RABEPK: variants seen among roughly 807,000 people sequenced by gnomAD.
The protein encoded by RABEPK is 40 kDa Rab9 effector protein.
Under a neutral mutation model 34.1 loss-of-function variants are expected in RABEPK, and 27 were observed. The observed-to-expected ratio is 0.79, with a 90% CI of 0.58 to 1.09. The LOEUF is 1.09. Among genes scored for constraint, RABEPK ranks in the 50% least tolerant of loss-of-function variants. The pLI is 0.00. For synonymous variants in RABEPK, 172 were observed against 169.2 expected (o/e 1.02, Z -0.13); for missense variants, 449 against 462.6 (o/e 0.97, Z 0.27).
intron 4 of RABEPK, among the ~76,000 whole-genome samples, chr9:125,217,216 T>C (rs529206204): frequency 6.6e-5 from 10 of 152,136 alleles, no homozygotes; most frequent in Admixed American, 6.6e-4. Context: ...TTAAATAAAC[T>C]CAGTATCTGG....
chr9:125,232,694 G>A lies in RABEPK; in HGVS notation c.775G>A (p.Gly259Ser), dbSNP rs1186280740. 2 of 1,614,046 alleles carry A rather than the reference G, an allele frequency of 1.2e-6. No homozygotes were observed. The highest frequency in any genetic ancestry group is 1.7e-6 in the Non-Finnish European group (2 of 1,179,934). ...CATGGGAAAACATGTGTACATCTTT[G>A]GTGGAATGACTCCTGCAGGAGCACT... ...VAMGKHVYIFGGMTPAGALDT... is the reference protein window; with the variant it reads ...VAMGKHVYIFSGMTPAGALDT... The change falls in exon 7 of 8, where the codon GGT becomes AGT. Residue 259 changes from glycine (G) to serine (S), a missense_variant. Transcript: ENST00000373538.
intron 5 of RABEPK, 28 bp downstream of exon 5, chr9:125,220,728 G>A (rs1225659356): frequency 6.2e-7 from 1 of 1,604,032 alleles, no homozygotes; most frequent in Non-Finnish European, 8.5e-7. Context: ...CCTTGGGGCT[G>A]GTCAGGGCCA....
chr9:125,207,136 GTAAAC>G (rs1336841359), intron 2 of RABEPK, among the ~76,000 whole-genome samples: 2 of 151,104 alleles, frequency 1.3e-5, no homozygotes, highest in African/African-American at 2.4e-5. Context: ...TCACAAATGA[GTAAAC>G]TAAAGTTCAG....
In RABEPK at chr9:125,233,723, C is replaced by G. The variant is rs371153786; in HGVS notation, c.862C>G (p.Leu288Val). ...TTGGACCTTGCTTAAATTTGATACT[C>G]TTCTACCCCCTGGACGATTGGACCA... ...QHWTLLKFDT[L>V]LPPGRLDHSM... is the part of the protein sequence containing the mutation. Residue 288 changes from leucine (L) to valine (V), a missense_variant, in exon 8 of 8, where the codon CTT becomes GTT. Transcript: ENST00000373538. The G allele has an allele frequency of 3.7e-6, 6 of 1,614,012 alleles. No homozygotes were observed. The highest frequency in any genetic ancestry group is 5.1e-6 in the Non-Finnish European group (6 of 1,180,002).
intron 6 of RABEPK, among the ~76,000 whole-genome samples, chr9:125,230,346 AAGG>A (rs1410310722): frequency 6.6e-6 from 1 of 152,144 alleles, no homozygotes; most frequent in Non-Finnish European, 1.5e-5. Context: ...CAATGGGCAG[AAGG>A]CATGGGAAGT....
chr9:125,205,220 G>A (rs1298163626), intron 2 of RABEPK, among the ~76,000 whole-genome samples: 2 of 152,072 alleles, frequency 1.3e-5, no homozygotes, highest in Non-Finnish European at 2.9e-5. Context: ...CTCCTTACAG[G>A]GTGAGACCCT....
chr9:125,222,996 C>G (rs1044998577), intron 5 of RABEPK, among the ~76,000 whole-genome samples: 3 of 151,378 alleles, frequency 2.0e-5, no homozygotes, highest in African/African-American at 7.3e-5. Context: ...TTAATAAGTG[C>G]TTAGGCCAGG....
At position 125,232,806 on chromosome 9, in the gene RABEPK, G is replaced by A. The variant is rs76635123; in HGVS notation, c.826+61G>A. On this transcript the variant is annotated intron_variant, in intron 7 of 7. Coordinates refer to ENST00000373538, the MANE Select transcript of RABEPK (RefSeq NM_005833.4). ...CTAAACATTCTTTGAAACGTGATGC[G>A]GTGGCTCACGCCTGTAATCCCAGCA... The A allele has an allele frequency of 3.7e-3, 5,608 of 1,520,272 alleles. 177 individuals carry two copies. In the African/African-American group the frequency reaches 0.066, roughly 18 times the overall value. The allele number at this position is 1,520,272 out of a possible 1,614,324, so 94.2% of individuals were successfully genotyped here. A position where few individuals can be genotyped will look rare whatever the true frequency, so the allele number is the denominator to read the frequency against.
chr9:125,226,319 G>A (rs113173605), intron 5 of RABEPK, among the ~76,000 whole-genome samples: 1 of 147,700 alleles, frequency 6.8e-6, no homozygotes, highest in African/African-American at 2.5e-5. Context: ...TCTGTCCCCC[G>A]ACCCCCTGCA....
At chr9:125,218,992 A>G (rs1831136460) in intron 4 of RABEPK, among the ~76,000 whole-genome samples, 1 of 152,012 alleles carries the variant, frequency 6.6e-6, no homozygotes, top group African/African-American at 2.4e-5. Context: ...CCAGCCTGCT[A>G]AAGTGTTGGG....
intron 2 of RABEPK, 139 bp downstream of exon 2, chr9:125,203,205 T>A: frequency 1.5e-6 from 1 of 653,408 alleles, no homozygotes; most frequent in Non-Finnish European, 2.8e-6. Flanking sequence ...ACTCAAACTG[T>A]CTGAGAAAGT....
chr9:125,206,023 G>C (rs1221444700), intron 2 of RABEPK, among the ~76,000 whole-genome samples: 2 of 152,150 alleles, frequency 1.3e-5, no homozygotes, highest in Non-Finnish European at 2.9e-5. Context: ...AACCAGAAAA[G>C]TGAGTGCAGA....
At chr9:125,229,348 G>A (rs920537131) in intron 6 of RABEPK, among the ~76,000 whole-genome samples, 7 of 152,040 alleles carry the variant, frequency 4.6e-5, no homozygotes, top group Non-Finnish European at 5.9e-5. Flanking sequence ...CAGGAGAATC[G>A]CTGGAACCTG....
intron 4 of RABEPK, among the ~76,000 whole-genome samples, chr9:125,216,847 G>C (rs1830961247): frequency 2.0e-5 from 3 of 151,778 alleles, no homozygotes; most frequent in African/African-American, 7.3e-5. Flanking sequence ...GGTGCCTGTG[G>C]TCCCAGCTAC....
At chr9:125,219,802 G>T (rs1323800408) in intron 4 of RABEPK, among the ~76,000 whole-genome samples, 1 of 152,082 alleles carries the variant, frequency 6.6e-6, no homozygotes, top group Non-Finnish European at 1.5e-5. Context: ...AAACTGCTGA[G>T]GTTACAGGTG....
At chr9:125,217,851 AT>A (rs1831033237) in intron 4 of RABEPK, among the ~76,000 whole-genome samples, 1 of 152,036 alleles carries the variant, frequency 6.6e-6, no homozygotes, top group African/African-American at 2.4e-5. Context: ...AGACAGCTAC[AT>A]TTTGCTTTGG....
At chr9:125,218,719 C>G (rs1441858642) in intron 4 of RABEPK, among the ~76,000 whole-genome samples, 2 of 151,996 alleles carry the variant, frequency 1.3e-5, no homozygotes, top group East Asian at 1.9e-4. Flanking sequence ...TTATCTGTCT[C>G]TCTCTCTCTC....
chr9:125,213,573 GCACA>G (rs142997998), intron 4 of RABEPK, 51 bp downstream of exon 4: 8 of 1,382,590 alleles, frequency 5.8e-6, no homozygotes, highest in Non-Finnish European at 8.2e-6. Context: ...AAACTTTCAT[GCACA>G]CACACACACA....
At chr9:125,201,739 G>A (rs942931890) in intron 1 of RABEPK, among the ~76,000 whole-genome samples, 2 of 151,972 alleles carry the variant, frequency 1.3e-5, no homozygotes, top group Non-Finnish European at 2.9e-5. Context: ...TCAGCCTCCT[G>A]AGTAGCTGGG....
Sources: gnomAD v4.1 joint callset for allele counts (sites outside exome capture counted in the v4.1 genomes callset) on GRCh38, gnomAD v4.1.1 for gene constraint, MANE v1.5 for transcripts, NCBI Gene and HGNC (gene_info 2026-07-23, HGNC 2026-07-21) for gene names.